TMEM117: variants seen among roughly 807,000 people sequenced by gnomAD.
TMEM117 encodes transmembrane protein 117.
Under a neutral mutation model 52.4 loss-of-function variants are expected in TMEM117, and 27 were observed. That is an observed-to-expected ratio of 0.51 (90% CI 0.38 to 0.71). The LOEUF (loss-of-function observed/expected upper bound fraction) is 0.71, where lower values mean the gene tolerates loss of function less well. Ranked by LOEUF, TMEM117 falls within the 30% of genes least tolerant of loss-of-function variation. TMEM117 has a pLI of 0.00. For synonymous variants in TMEM117, 215 were observed against 206.3 expected (o/e 1.04, Z -0.36); for missense variants, 556 against 630.5 (o/e 0.88, Z 1.26).
chr12:43,961,070 T>G (rs552300510), intron 3 of TMEM117, among the ~76,000 whole-genome samples: 1 of 152,288 alleles, frequency 6.6e-6, no homozygotes, highest in Admixed American at 6.5e-5. Flanking sequence ...TTTCTGAGCC[T>G]CAGTTTCCTC....
At chr12:43,873,770 C>T (rs991367103) in intron 2 of TMEM117, among the ~76,000 whole-genome samples, 1 of 151,598 alleles carries the variant, frequency 6.6e-6, no homozygotes, top group African/African-American at 2.4e-5. Context: ...TTCTGAGAGC[C>T]TTTTACCAAG....
intron 3 of TMEM117, among the ~76,000 whole-genome samples, chr12:44,025,626 T>C (rs1946521150): frequency 6.6e-6 from 1 of 152,194 alleles, no homozygotes; most frequent in Non-Finnish European, 1.5e-5. Context: ...AATTTGTGAA[T>C]TCAGCTGTTG....
intron 3 of TMEM117, among the ~76,000 whole-genome samples, chr12:44,129,994 A>G (rs1435027795): frequency 6.6e-6 from 1 of 152,154 alleles, no homozygotes; most frequent in Admixed American, 6.5e-5. Context: ...ATATTTCAGG[A>G]ATCTTCGTTC....
chr12:44,062,719 A>G (rs1190640197), intron 3 of TMEM117, among the ~76,000 whole-genome samples: 1 of 152,220 alleles, frequency 6.6e-6, no homozygotes, highest in East Asian at 1.9e-4. Context: ...GAGTCTCCTG[A>G]CAAAAGAGCT....
At chr12:44,273,875 G>GA (rs1211451132) in intron 5 of TMEM117, among the ~76,000 whole-genome samples, 21 of 152,156 alleles carry the variant, frequency 1.4e-4, no homozygotes, top group Non-Finnish European at 2.9e-4. Context: ...TACTGAATGG[G>GA]AAAAAACTGA....
intron 5 of TMEM117, among the ~76,000 whole-genome samples, chr12:44,268,603 AAT>A (rs1034823886): frequency 3.3e-5 from 5 of 152,150 alleles, no homozygotes; most frequent in African/African-American, 1.2e-4. Context: ...GACTATTATA[AAT>A]ATATTTGTTA....
At chr12:43,963,144 G>A (rs1255428196) in intron 3 of TMEM117, among the ~76,000 whole-genome samples, 1 of 150,958 alleles carries the variant, frequency 6.6e-6, no homozygotes, top group African/African-American at 2.4e-5. Context: ...GGTTAATACA[G>A]CTACATATGC....
intron 3 of TMEM117, among the ~76,000 whole-genome samples, chr12:44,053,305 A>G (rs1471390558): frequency 6.6e-6 from 1 of 152,184 alleles, no homozygotes; most frequent in African/African-American, 2.4e-5. Flanking sequence ...TATAGTTACA[A>G]TGATATTTTA....
chr12:43,960,910 A>C (rs1035237620), intron 3 of TMEM117, among the ~76,000 whole-genome samples: 1 of 152,162 alleles, frequency 6.6e-6, no homozygotes, highest in Non-Finnish European at 1.5e-5. Context: ...GCATGCTTCC[A>C]AGGTGAAGAG....
chr12:44,104,395 C>T (rs1338418094), intron 3 of TMEM117, among the ~76,000 whole-genome samples: 3 of 151,810 alleles, frequency 2.0e-5, no homozygotes, highest in African/African-American at 2.4e-5. Flanking sequence ...TTAAATGTTT[C>T]AGTCAACTGG....
At chr12:44,222,670 G>T (rs1949804220) in intron 5 of TMEM117, among the ~76,000 whole-genome samples, 1 of 152,106 alleles carries the variant, frequency 6.6e-6, no homozygotes, top group South Asian at 2.1e-4. Context: ...ATTTTCATGG[G>T]CAGGAGTTTC....
At chr12:44,100,935 T>C (rs1319009194) in intron 3 of TMEM117, among the ~76,000 whole-genome samples, 1 of 151,914 alleles carries the variant, frequency 6.6e-6, no homozygotes, top group Non-Finnish European at 1.5e-5. Context: ...ACTGGGTGGA[T>C]TATAAACAAT....
intron 6 of TMEM117, among the ~76,000 whole-genome samples, chr12:44,322,825 C>T (rs1197697723): frequency 1.3e-5 from 2 of 151,952 alleles, no homozygotes; most frequent in Non-Finnish European, 2.9e-5. Context: ...CTGGCCGGCC[C>T]CCCACCAAAA....
chr12:44,271,648 A>G (rs1242465536), intron 5 of TMEM117, among the ~76,000 whole-genome samples: 3 of 152,044 alleles, frequency 2.0e-5, no homozygotes, highest in South Asian at 2.1e-4. Flanking sequence ...CTATAAAACT[A>G]CTAGAAGAAA....
chr12:43,982,292 C>T (rs1945773269), intron 3 of TMEM117, among the ~76,000 whole-genome samples: 1 of 152,086 alleles, frequency 6.6e-6, no homozygotes. Flanking sequence ...TCAGAAGGGT[C>T]CAGGGTGAGT....
intron 5 of TMEM117, among the ~76,000 whole-genome samples, chr12:44,257,192 G>A (rs1950269358): frequency 6.6e-6 from 1 of 151,714 alleles, no homozygotes; most frequent in African/African-American, 2.4e-5. Context: ...ACACCCATGG[G>A]AAGAGTTTTC....
chr12:44,101,298 C>T (rs751609220), intron 3 of TMEM117, among the ~76,000 whole-genome samples: 19 of 151,860 alleles, frequency 1.3e-4, no homozygotes, highest in Non-Finnish European at 2.4e-4. Context: ...ATGGTGCCTT[C>T]GAGTGACACA....
At chr12:44,263,147 A>G (rs929816136) in intron 5 of TMEM117, among the ~76,000 whole-genome samples, 2 of 152,198 alleles carry the variant, frequency 1.3e-5, no homozygotes, top group Non-Finnish European at 2.9e-5. Flanking sequence ...AAAAGTTAAT[A>G]ATATCGTGAA....
chr12:44,340,247 T>C lies in TMEM117; in HGVS notation c.769-36348T>C, dbSNP rs575328050. ...ATAAAGATGACGTAAATGAAGTAAA[T>C]GCATGAAGGTAAAAAGTGAGTAAAG... On this transcript the variant is annotated intron_variant, in intron 6 of 7. Transcript: ENST00000266534. Among the ~76,000 whole-genome samples, 53 of 152,124 alleles carry C rather than the reference T, an allele frequency of 3.5e-4. 2 individuals carry two copies. In the South Asian group the frequency reaches 0.011, roughly 30 times the overall value.
Sources: allele counts gnomAD v4.1 joint callset (sites outside exome capture counted in the v4.1 genomes callset), GRCh38; gene constraint gnomAD v4.1.1; transcripts MANE v1.5; gene names NCBI Gene and HGNC (gene_info 2026-07-23, HGNC 2026-07-21).